LARGE1: variants seen among roughly 807,000 people sequenced by gnomAD.
The protein encoded by LARGE1 is xylosyl- and glucuronyltransferase LARGE1.
In LARGE1, 43 loss-of-function variants were observed where a neutral mutation model predicts 87.6. The observed-to-expected ratio is 0.49, with a 90% CI of 0.38 to 0.63. The LOEUF is 0.63. Among genes scored for constraint, LARGE1 ranks in the 30% least tolerant of loss-of-function variants. The pLI, the probability that LARGE1 is intolerant of heterozygous loss-of-function variation, is 0.00. For synonymous variants in LARGE1, 434 were observed against 394.6 expected, an observed-to-expected ratio of 1.10 and a Z score of -1.18; for missense variants, 802 against 1,000.2, an observed-to-expected ratio of 0.80 and a Z score of 2.67.
rs1335285743 is a variant in LARGE1 at position 33,316,264 on chromosome 22, G to A, written c.1288-16C>T. The A allele has an allele frequency of 1.4e-5, 22 of 1,612,434 alleles. No homozygotes were observed. Among genetic ancestry groups the A allele is most frequent in the Non-Finnish European group, 1.9e-5 (22 of 1,179,768 alleles). On this transcript the variant is annotated splice_polypyrimidine_tract_variant and intron_variant, in intron 10 of 14. Coordinates refer to ENST00000397394, the MANE Select transcript of LARGE1 (RefSeq NM_133642.5). ...GCTTCTGGAGCTGCAGGGTAGGAGA[G>A]AGGGCTTGGGCACGTGAAGAAGAGG... is the stretch of plus-strand genomic sequence containing the variant.
chr22:33,726,913 T>C (rs1234226859), intron 2 of LARGE1, among the ~76,000 whole-genome samples: 5 of 152,118 alleles, frequency 3.3e-5, no homozygotes, highest in Non-Finnish European at 7.4e-5. Context: ...ATCATCTTAA[T>C]AGAAATCATT....
chr22:33,433,607 C>CAAAAAAA (rs57605083), intron 6 of LARGE1, among the ~76,000 whole-genome samples: 73 of 88,272 alleles, frequency 8.3e-4, no homozygotes, highest in African/African-American at 9.8e-4. Context: ...AAAAACAAAA[C>CAAAAAAA]AAAAAAAAAA....
chr22:33,091,608 T>C, the LARGE1 span, among the ~76,000 whole-genome samples: 4 of 135,708 alleles, frequency 2.9e-5, no homozygotes, highest in Admixed American at 2.2e-4. Context: ...AGAGACATCT[T>C]ATCCTTGGTC....
downstream of LARGE1, among the ~76,000 whole-genome samples, chr22:33,269,404 CT>C (rs1421254243): frequency 4.6e-5 from 7 of 152,190 alleles, no homozygotes; most frequent in African/African-American, 1.7e-4. Flanking sequence ...TGAAAGTAGA[CT>C]GTACCTGGTT....
At chr22:33,523,561 C>T (rs191638336) in intron 6 of LARGE1, among the ~76,000 whole-genome samples, 9 of 152,266 alleles carry the variant, frequency 5.9e-5, no homozygotes, top group Admixed American at 1.3e-4. Context: ...TAATGAAGGC[C>T]ACCACATTAG....
intron 2 of LARGE1, among the ~76,000 whole-genome samples, chr22:33,664,506 T>C (rs983630492): frequency 2.6e-5 from 4 of 152,280 alleles, no homozygotes; most frequent in South Asian, 2.1e-4. Context: ...ACTCACTCAA[T>C]AGCCACCTAA....
At position 33,416,562 on chromosome 22, in the gene LARGE1, C is replaced by T. The variant is rs1218885750; in HGVS notation, c.892+15599G>A. Among the ~76,000 whole-genome samples the T allele has an allele frequency of 4.0e-5, 6 of 151,418 alleles. No homozygotes were observed. The East Asian group carries it at 9.6e-4, about 24-fold the overall frequency. ...TGTTTTGTGTGTTTTTTTTGGGGGG[C>T]GGGGGAGGCAATGGTGGTGCAAGTA... On this transcript the variant is annotated intron_variant, in intron 7 of 14. Coordinates refer to ENST00000397394, the MANE Select transcript of LARGE1 (RefSeq NM_133642.5).
At chr22:33,242,655 T>C (rs887685691) in intron 11 of LARGE1, among the ~76,000 whole-genome samples, 9 of 152,184 alleles carry the variant, frequency 5.9e-5, no homozygotes, top group African/African-American at 1.7e-4. Flanking sequence ...TCAATTAACA[T>C]AGTTGAGTTG....
At chr22:33,240,505 T>A (rs1172632347) in intron 11 of LARGE1, among the ~76,000 whole-genome samples, 1 of 152,204 alleles carries the variant, frequency 6.6e-6, no homozygotes, top group East Asian at 1.9e-4. Context: ...TGTGGGTGCA[T>A]CTCCAGACTA....
Position 33,509,503 on chromosome 22 carries a change from G to A in LARGE1, c.787+55345C>T, listed in dbSNP as rs1217879274. ...GTCTTGCTCTGTCACCCAGCCTGGA[G>A]AGCAAAGCACAATCATACCTCACTG... On this transcript the variant is annotated intron_variant, in intron 6 of 14. Coordinates refer to ENST00000397394, the MANE Select transcript of LARGE1 (RefSeq NM_133642.5). 2.0e-5 allele frequency among the ~76,000 whole-genome samples: 3 copies of A among 151,978 alleles called. No individual in the cohort carries two copies. In the East Asian group the frequency reaches 5.8e-4, roughly 29 times the overall value.
At chr22:33,688,820 T>C (rs1433464912) in intron 2 of LARGE1, among the ~76,000 whole-genome samples, 1 of 152,074 alleles carries the variant, frequency 6.6e-6, no homozygotes, top group African/African-American at 2.4e-5. Context: ...TGACCAACTG[T>C]GCTGTCCATA....
chr22:33,404,203 T>G (rs1468020042), intron 7 of LARGE1, among the ~76,000 whole-genome samples: 1 of 152,154 alleles, frequency 6.6e-6, no homozygotes, highest in African/African-American at 2.4e-5. Flanking sequence ...AAGAAGATGA[T>G]ATTTAAGACA....
chr22:33,766,134 A>G (rs2145773123), intron 1 of LARGE1, among the ~76,000 whole-genome samples: 1 of 152,326 alleles, frequency 6.6e-6, no homozygotes, highest in Middle Eastern at 3.4e-3. Context: ...GGTGGGCTGG[A>G]AATTACATCA....
At position 33,919,102 on chromosome 22, in the gene LARGE1, GAA is replaced by G. The variant is rs5845124; in HGVS notation, c.-83+891_-83+892del. ...AACCGAGGCACATCAGCACAGAGACGAAAAAAAAAAAAAAAAAGAGTCCAACC... is the reference window on the plus strand; with the variant it reads ...AACCGAGGCACATCAGCACAGAGACGAAAAAAAAAAAAAAAGAGTCCAACC... On this transcript the variant is annotated intron_variant, in intron 1 of 14. Coordinates refer to ENST00000397394, the MANE Select transcript of LARGE1 (RefSeq NM_133642.5). Among the ~76,000 whole-genome samples the G allele has an allele frequency of 3.3e-3, 416 of 127,316 alleles. 6 individuals carry two copies. In the East Asian group the frequency reaches 0.044, roughly 14 times the overall value. The allele number at this position is 127,316 out of a possible 152,430, so 83.5% of individuals were successfully genotyped here.
intron 1 of LARGE1, among the ~76,000 whole-genome samples, chr22:33,795,534 C>T (rs1601633890): frequency 6.6e-6 from 1 of 152,240 alleles, no homozygotes; most frequent in African/African-American, 2.4e-5. Flanking sequence ...GACTATAAAT[C>T]ATGCTGCTAT....
intron 12 of LARGE1, among the ~76,000 whole-genome samples, chr22:33,283,923 AAAG>A (rs1444111083): frequency 1.3e-5 from 2 of 152,082 alleles, no homozygotes; most frequent in African/African-American, 4.8e-5. Flanking sequence ...AAAGAAAGAG[AAAG>A]AAGGAAAGAA....
At chr22:33,634,151 CCTT>C (rs1472652544) in intron 3 of LARGE1, among the ~76,000 whole-genome samples, 1 of 152,218 alleles carries the variant, frequency 6.6e-6, no homozygotes, top group Non-Finnish European at 1.5e-5. Flanking sequence ...TCAGAGTCCT[CCTT>C]CTTTGACTTC....
chr22:33,460,740 C>T (rs1220875731), intron 6 of LARGE1, among the ~76,000 whole-genome samples: 1 of 152,068 alleles, frequency 6.6e-6, no homozygotes, highest in Non-Finnish European at 1.5e-5. Context: ...ATAAAAACAC[C>T]CTAGAGAACA....
chr22:33,265,541 T>C (rs1927889166), intron 11 of LARGE1, among the ~76,000 whole-genome samples: 1 of 152,068 alleles, frequency 6.6e-6, no homozygotes, highest in South Asian at 2.1e-4. Flanking sequence ...CGGCCTGGAG[T>C]GAGCACCCTT....
Sources: gnomAD v4.1 joint callset for allele counts (sites outside exome capture counted in the v4.1 genomes callset) on GRCh38, gnomAD v4.1.1 for gene constraint, MANE v1.5 for transcripts, NCBI Gene and HGNC (gene_info 2026-07-23, HGNC 2026-07-21) for gene names.